Variants in WDR26 observed in about 807,000 individuals in gnomAD.
WDR26 encodes WD repeat domain 26, also known as WD repeat-containing protein 26.
A neutral mutation model predicts 84.1 loss-of-function variants in WDR26; 5 were observed. That is an observed-to-expected ratio of 0.06 (90% confidence interval 0.03 to 0.13). The LOEUF is 0.13. Among genes scored for constraint, WDR26 ranks in the 10% least tolerant of loss-of-function variants. The pLI is 1.00. For missense variants in WDR26, 642 were observed against 974.9 expected (o/e 0.66, Z 4.55); for synonymous variants, 415 against 389.6 (o/e 1.07, Z -0.77).
rs1211342524 is a variant in WDR26 at position 224,385,162 on chromosome 1, G to C, written c.*4673C>G. The stretch of plus-strand genomic sequence containing the variant: ...CAAGAATTATTTAGGTATTCATTCT[G>C]TTTATTGGATTGAAAGAAAGGGAAT... On this transcript the variant is annotated 3_prime_UTR_variant, in exon 14 of 14. Transcript: ENST00000414423. 6.8e-6 allele frequency: 1 copy of C among 147,448 alleles called. No individual in the cohort carries two copies. The highest frequency in any genetic ancestry group is 1.5e-5 in the Non-Finnish European group (1 of 67,086). The allele number at this position is 147,448 out of a possible 1,614,324, so 9.1% of individuals were successfully genotyped here.
chr1:224,415,449 CTTTCTTTTTTT>C (rs1673868381), intron 6 of WDR26, among the ~76,000 whole-genome samples: 1 of 102,722 alleles, frequency 9.7e-6, no homozygotes, highest in African/African-American at 4.4e-5. Context: ...ACACGTATTT[CTTTCTTTTTTT>C]TTTTTTTTTT....
intron 12 of WDR26, among the ~76,000 whole-genome samples, chr1:224,397,236 C>T (rs1673291988): frequency 6.6e-6 from 1 of 152,108 alleles, no homozygotes; most frequent in African/African-American, 2.4e-5. Context: ...AGCAGTACTC[C>T]CATCTAGGCC....
intron 7 of WDR26, among the ~76,000 whole-genome samples, chr1:224,410,281 C>CAAAA (rs10707541): frequency 9.7e-5 from 10 of 103,132 alleles, no homozygotes; most frequent in African/African-American, 2.4e-4. Flanking sequence ...GACTTTGTCT[C>CAAAA]AAAAAAAAAA....
intron 11 of WDR26, 83 bp downstream of exon 11, chr1:224,398,432 T>C (rs1673320113): frequency 7.5e-7 from 1 of 1,336,136 alleles, no homozygotes; most frequent in Non-Finnish European, 1.0e-6. Flanking sequence ...AAAATTTTGT[T>C]AATATAAATA....
At chr1:224,424,679 A>AG in intron 3 of WDR26, 25 bp from the exon 4 acceptor site, 1 of 1,614,032 alleles carries the variant, frequency 6.2e-7, no homozygotes, top group Non-Finnish European at 8.5e-7. Context: ...AGCAGCAGTC[A>AG]GGGGAAAAAA....
rs1222757973 is a variant in WDR26, at chr1:224,385,420, A to G, written c.*4415T>C. 5 of 151,576 alleles carry G rather than the reference A, an allele frequency of 3.3e-5. No individual in the cohort carries two copies. Among genetic ancestry groups the G allele is most frequent in the Admixed American group, 6.6e-5 (1 of 15,240 alleles). 9.4% of individuals were successfully genotyped at this position (151,576 alleles called of 1,614,324 possible). On this transcript the variant is annotated 3_prime_UTR_variant, in exon 14 of 14. Transcript: ENST00000414423. ...GTTTTTATACTTTAATGAATAAAGC[A>G]AAGAAATTTAAACTAAGTAAATATA...
At chr1:224,419,480 A>G (rs1230970701) in intron 5 of WDR26, 38 bp downstream of exon 5, 1 of 1,468,590 alleles carries the variant, frequency 6.8e-7, no homozygotes, top group Admixed American at 1.7e-5. Context: ...TTGTAATCTA[A>G]GAGAAAACAC....
At chr1:224,400,861 G>T in intron 9 of WDR26, 89 bp downstream of exon 9, 5 of 1,536,620 alleles carry the variant, frequency 3.3e-6, no homozygotes, top group South Asian at 1.3e-5. Flanking sequence ...AGTATACTTT[G>T]TAAGATACTG....
chr1:224,389,293 T>A lies in WDR26; in HGVS notation c.*542A>T, dbSNP rs1246238788. 2 of 183,812 alleles carry A rather than the reference T, an allele frequency of 1.1e-5. No homozygotes were observed. The highest frequency in any genetic ancestry group is 4.7e-5 in the African/African-American group (2 of 42,568). 11.4% of individuals were successfully genotyped at this position (183,812 alleles called of 1,614,324 possible). A position where few individuals can be genotyped will look rare whatever the true frequency, so the allele number is the denominator to read the frequency against. On this transcript the variant is annotated 3_prime_UTR_variant, in exon 14 of 14. Coordinates refer to ENST00000414423, the MANE Select transcript of WDR26 (RefSeq NM_001379403.1). ...GTTTATCATCTGGATCAGTATATACTGCGCAACGGGCAAGGCTAGAATCCA... is the reference window on the plus strand; with the variant it reads ...GTTTATCATCTGGATCAGTATATACAGCGCAACGGGCAAGGCTAGAATCCA...
Position 224,433,711 on chromosome 1 carries a change from C to G in WDR26, c.695G>C (p.Gly232Ala). The change falls in exon 1 of 14, where the codon GGA (glycine) becomes GCA (alanine). Residue 232 changes from glycine to alanine, a missense_variant. Around this residue, in one of 2 missense-constraint regions of WDR26, gnomAD observed 351 missense variants for 672.8 expected, o/e 0.52. Transcript: ENST00000414423. ...GAGCCCTAAGCCATTCAAGTGCTGT[C>G]CTATTAGCCTAATGACATCCTCATC... The G allele has an allele frequency of 6.6e-7, 1 of 1,523,300 alleles. No individual in the cohort carries two copies. Among genetic ancestry groups the G allele is most frequent in the Non-Finnish European group, 8.8e-7 (1 of 1,138,598 alleles). The allele number at this position is 1,523,300 out of a possible 1,614,324, so 94.4% of individuals were successfully genotyped here. A position where few individuals can be genotyped will look rare whatever the true frequency, so the allele number is the denominator to read the frequency against.
At chr1:224,399,712 A>C (rs1197217006) in intron 9 of WDR26, among the ~76,000 whole-genome samples, 2 of 152,234 alleles carry the variant, frequency 1.3e-5, no homozygotes, top group African/African-American at 4.8e-5. Context: ...TATTGAGATA[A>C]TATAACACCA....
At chr1:224,413,976 A>AT (rs887536013) in intron 6 of WDR26, among the ~76,000 whole-genome samples, 5 of 149,044 alleles carry the variant, frequency 3.4e-5, no homozygotes, top group East Asian at 2.0e-4. Context: ...CACCTGGCTG[A>AT]TTTTTTTGTA....
chr1:224,410,273 C>T (rs1373114166), intron 7 of WDR26, among the ~76,000 whole-genome samples: 2 of 86,808 alleles, frequency 2.3e-5, no homozygotes, highest in Non-Finnish European at 4.3e-5. Flanking sequence ...AAGAGCGAGA[C>T]TTTGTCTCAA....
Position 224,433,929 on chromosome 1 carries a change from G to C in WDR26, c.477C>G (p.Leu159=). The change falls in exon 1 of 14, where the codon CTC becomes CTG. Residue 159 remains leucine, a synonymous_variant. Transcript: ENST00000414423. Reference sequence around the variant, plus strand: ...TGGCGGCGGAGGGGGCGGAAGGCAGGAGCCCATTGGCGTGGGCCAGGTCCC... The same window carrying C: ...TGGCGGCGGAGGGGGCGGAAGGCAGCAGCCCATTGGCGTGGGCCAGGTCCC... 2.6e-6 allele frequency: 4 copies of C among 1,535,956 alleles called. No homozygotes were observed. The highest frequency in any genetic ancestry group is 3.5e-6 in the Non-Finnish European group (4 of 1,146,314).
rs78842459 is a variant in WDR26 at position 224,417,193 on chromosome 1, A to G, written c.1319+1067T>C. Among the ~76,000 whole-genome samples the G allele has an allele frequency of 9.7e-3, 1,478 of 152,348 alleles. 9 individuals carry two copies. The highest frequency in any genetic ancestry group is 0.015 in the Non-Finnish European group (1,040 of 68,034). ...ATATAGACAATTTTTACGGTTATTC[A>G]GAAGTTCCTCGTTATTCCAAAGTCC... is the stretch of plus-strand genomic sequence containing the variant. On this transcript the variant is annotated intron_variant, in intron 6 of 13. Transcript: ENST00000414423.
intron 3 of WDR26, chr1:224,431,016 T>C (rs1262004562): frequency 1.9e-5 from 3 of 154,356 alleles, no homozygotes; most frequent in Non-Finnish European, 4.3e-5. Flanking sequence ...GAATGGAAAA[T>C]GGCCAGCACA....
chr1:224,401,406 C>T (rs888772891), intron 8 of WDR26, among the ~76,000 whole-genome samples: 2 of 152,104 alleles, frequency 1.3e-5, no homozygotes, highest in South Asian at 2.1e-4. Flanking sequence ...CCCAAGACTA[C>T]ATACCTATTC....
chr1:224,428,322 G>A (rs1674288211), intron 3 of WDR26, among the ~76,000 whole-genome samples: 2 of 152,094 alleles, frequency 1.3e-5, no homozygotes, highest in South Asian at 2.1e-4. Flanking sequence ...TTCAGTAATG[G>A]TTCTAACTCT....
rs1327306558 is a variant in WDR26, at chr1:224,433,992, C to T, written c.414G>A (p.Gln138=). 9 of 1,522,746 alleles carry T rather than the reference C, an allele frequency of 5.9e-6. No homozygotes were observed. The highest frequency in any genetic ancestry group is 7.9e-6 in the Non-Finnish European group (9 of 1,137,880). The allele number at this position is 1,522,746 out of a possible 1,614,324, so 94.3% of individuals were successfully genotyped here. A position where few individuals can be genotyped will look rare whatever the true frequency, so the allele number is the denominator to read the frequency against. Residue 138 remains glutamine, a synonymous_variant, in exon 1 of 14, where the codon CAG becomes CAA. Coordinates refer to ENST00000414423, the MANE Select transcript of WDR26 (RefSeq NM_001379403.1). ...ACGACGAGGGGGACGACTCCCCGTT[C>T]TGGGCCGACAAGCAGGCGAGTTCCG... is the stretch of plus-strand genomic sequence containing the variant.
Sources: allele counts gnomAD v4.1 joint callset (sites outside exome capture counted in the v4.1 genomes callset), GRCh38; gene constraint gnomAD v4.1.1; regional missense constraint gnomAD v4.1.1; transcripts MANE v1.5; gene names NCBI Gene and HGNC (gene_info 2026-07-23, HGNC 2026-07-21).